Variants in PRKG1 observed in about 807,000 individuals in gnomAD.
PRKG1 encodes the protein cGMP-dependent protein kinase 1.
PRKG1 carries 35 observed loss-of-function variants against 88.1 expected under a neutral mutation model. The ratio of observed to expected loss-of-function variants is 0.40; its 90% CI spans 0.30 to 0.53. The LOEUF (loss-of-function observed/expected upper bound fraction) is 0.53, where lower values mean the gene tolerates loss of function less well. PRKG1 is among the 20% of genes least tolerant of loss of function. The probability of loss-of-function intolerance (pLI) is 0.59; values close to 1 mark genes in which losing one functional copy is unlikely to be tolerated. For synonymous variants in PRKG1, 303 were observed against 292.5 expected (o/e 1.04, Z -0.37); for missense variants, 540 against 839.8 (o/e 0.64, Z 4.41).
chr10:52,013,263 A>C (rs899047854), intron 5 of PRKG1, among the ~76,000 whole-genome samples: 9 of 152,110 alleles, frequency 5.9e-5, no homozygotes, highest in Admixed American at 2.0e-4. Flanking sequence ...CTAAAAATAC[A>C]AAAAAATTTG....
chr10:51,013,056 G>T (rs1158960533), intron 1 of PRKG1, among the ~76,000 whole-genome samples: 1 of 152,214 alleles, frequency 6.6e-6, no homozygotes, highest in Non-Finnish European at 1.5e-5. Flanking sequence ...GTGGCACGCA[G>T]TGAGTTTCCT....
intron 3 of PRKG1, among the ~76,000 whole-genome samples, chr10:51,710,791 T>G (rs1265913081): frequency 3.3e-5 from 5 of 152,136 alleles, no homozygotes; most frequent in African/African-American, 9.7e-5. Flanking sequence ...CCGGGGACAG[T>G]AGAGTCAATG....
chr10:51,707,361 C>G (rs115908343), intron 3 of PRKG1, among the ~76,000 whole-genome samples: 8 of 152,118 alleles, frequency 5.3e-5, no homozygotes, highest in Non-Finnish European at 1.2e-4. Context: ...TAGTCCTGTT[C>G]AGGGTGATAT....
At chr10:52,250,048 C>T (rs948709578) in intron 9 of PRKG1, among the ~76,000 whole-genome samples, 2 of 152,054 alleles carry the variant, frequency 1.3e-5, no homozygotes, top group Non-Finnish European at 2.9e-5. Flanking sequence ...TCAACTTTGC[C>T]GCTAGCCCTT....
chr10:51,765,511 G>A (rs1252901464), intron 3 of PRKG1, among the ~76,000 whole-genome samples: 3 of 152,110 alleles, frequency 2.0e-5, no homozygotes, highest in African/African-American at 7.2e-5. Flanking sequence ...CAGTCTCTCT[G>A]CATTAACTTA....
At chr10:52,010,437 C>T (rs1903988) in intron 5 of PRKG1, among the ~76,000 whole-genome samples, 67,727 of 151,842 alleles carry the variant, frequency 0.45, 15,419 homozygotes, top group East Asian at 0.65. Context: ...GCAGCCAATA[C>T]GCATATAAAA....
intron 2 of PRKG1, among the ~76,000 whole-genome samples, chr10:51,179,326 A>G (rs1472305536): frequency 6.6e-6 from 1 of 152,240 alleles, no homozygotes; most frequent in Non-Finnish European, 1.5e-5. Flanking sequence ...AGTTTTTAAA[A>G]TGGATTATAT....
At chr10:51,235,891 G>A (rs1351626879) in intron 2 of PRKG1, among the ~76,000 whole-genome samples, 3 of 152,132 alleles carry the variant, frequency 2.0e-5, no homozygotes, top group Non-Finnish European at 4.4e-5. Context: ...AATATTTGGA[G>A]GGGAGAGAAA....
chr10:51,975,279 T>C (rs1843803014), intron 5 of PRKG1, among the ~76,000 whole-genome samples: 1 of 152,062 alleles, frequency 6.6e-6, no homozygotes, highest in African/African-American at 2.4e-5. Context: ...GTCTCTCGTG[T>C]AGACCAATCT....
chr10:52,187,499 A>C (rs933073234), intron 9 of PRKG1, among the ~76,000 whole-genome samples: 3 of 152,200 alleles, frequency 2.0e-5, no homozygotes, highest in Non-Finnish European at 2.9e-5. Context: ...AAAAACAATG[A>C]GTAGGCTACA....
chr10:51,063,910 C>A (rs1467223688), intron 1 of PRKG1, among the ~76,000 whole-genome samples: 1 of 151,948 alleles, frequency 6.6e-6, no homozygotes, highest in Non-Finnish European at 1.5e-5. Flanking sequence ...TATTTAATGG[C>A]TGAGAGATAA....
chr10:51,487,719 A>C (rs975662615), intron 3 of PRKG1, among the ~76,000 whole-genome samples: 2 of 152,186 alleles, frequency 1.3e-5, no homozygotes, highest in Non-Finnish European at 2.9e-5. Context: ...TAAGCCAAAA[A>C]CACCCTGGAC....
chr10:51,337,027 T>C (rs1841893109), intron 2 of PRKG1, among the ~76,000 whole-genome samples: 1 of 152,156 alleles, frequency 6.6e-6, no homozygotes, highest in South Asian at 2.1e-4. Context: ...AAGGCTACAG[T>C]AACCAAAGCA....
chr10:51,788,419 G>T (rs1838783881), intron 3 of PRKG1, among the ~76,000 whole-genome samples: 1 of 152,138 alleles, frequency 6.6e-6, no homozygotes, highest in African/African-American at 2.4e-5. Context: ...AAACAGCTGA[G>T]CTCACTTGAC....
intron 4 of PRKG1, among the ~76,000 whole-genome samples, chr10:51,892,194 CTT>C (rs74906975): frequency 0.15 from 22,827 of 152,070 alleles, 2,445 homozygotes; most frequent in East Asian, 0.48. Context: ...GAAAAATACT[CTT>C]TTCCTTCTTC....
intron 4 of PRKG1, among the ~76,000 whole-genome samples, chr10:51,890,198 C>A (rs185765209): frequency 2.0e-5 from 3 of 152,238 alleles, no homozygotes; most frequent in Non-Finnish European, 4.4e-5. Context: ...TTAGGTCTAA[C>A]GTTTAAGTCT....
At chr10:52,024,312 T>A (rs1589529131) in intron 5 of PRKG1, among the ~76,000 whole-genome samples, 1 of 64,516 alleles carries the variant, frequency 1.6e-5, no homozygotes, top group East Asian at 7.2e-4. Flanking sequence ...TATTTATTTA[T>A]TTAACTTTTT....
chr10:51,744,213 G>C (rs969474437), intron 3 of PRKG1, among the ~76,000 whole-genome samples: 20 of 152,256 alleles, frequency 1.3e-4, no homozygotes, highest in African/African-American at 4.3e-4. Context: ...ACTGTGAAGT[G>C]GGTACAGTAC....
chr10:51,191,541 C>T (rs1837631031), intron 2 of PRKG1, among the ~76,000 whole-genome samples: 1 of 151,714 alleles, frequency 6.6e-6, no homozygotes, highest in Admixed American at 6.6e-5. Flanking sequence ...TTCTAACTGT[C>T]AAAGTAATAT....
Sources: allele counts gnomAD v4.1 joint callset (sites outside exome capture counted in the v4.1 genomes callset), GRCh38; gene constraint gnomAD v4.1.1; transcripts MANE v1.5; gene names NCBI Gene and HGNC (gene_info 2026-07-23, HGNC 2026-07-21).